STK4: variants seen among roughly 807,000 people sequenced by gnomAD.
The protein encoded by STK4 is serine/threonine kinase 4.
Under a neutral mutation model 64.9 loss-of-function variants are expected in STK4, and 30 were observed. The ratio of observed to expected loss-of-function variants is 0.46; its 90% confidence interval spans 0.35 to 0.63. STK4 has a LOEUF of 0.63. Ranked by LOEUF, STK4 falls within the 20% of genes least tolerant of loss-of-function variation. The probability of loss-of-function intolerance (pLI) is 0.01; values close to 1 mark genes in which losing one functional copy is unlikely to be tolerated. For missense variants in STK4, 466 were observed against 598.5 expected (o/e 0.78, Z 2.31); for synonymous variants, 177 against 199.0 (o/e 0.89, Z 0.93).
intron 3 of STK4, 90 bp from the exon 4 acceptor site, chr20:44,981,739 A>T: frequency 5.4e-6 from 4 of 739,012 alleles, no homozygotes; most frequent in Non-Finnish European, 9.1e-6. Flanking sequence ...ATCTTTCCAG[A>T]TGAGGAATTA....
Position 44,992,267 on chromosome 20 carries a change from A to T in STK4, c.526-2823A>T, listed in dbSNP as rs529509301. Among the ~76,000 whole-genome samples the T allele has an allele frequency of 5.7e-4, 84 of 148,206 alleles. 1 individual carries two copies. Among genetic ancestry groups the T allele is most frequent in the East Asian group, 4.5e-3 (23 of 5,056 alleles). On this transcript the variant is annotated intron_variant, in intron 5 of 10. Transcript: ENST00000372806. ...ATTTTTTATTATTTTATTTTATTTT[A>T]TTTTTTTTTGAGACAAGGTCTTGCC... is the stretch of plus-strand genomic sequence containing the variant.
chr20:45,007,796 G>A, intron 9 of STK4: 1 of 422,442 alleles, frequency 2.4e-6, no homozygotes, highest in Non-Finnish European at 4.7e-6. Context: ...TACATACAGG[G>A]GGTACATGTG....
chr20:45,065,804 AT>A (rs919131718), intron 10 of STK4, among the ~76,000 whole-genome samples: 1 of 149,390 alleles, frequency 6.7e-6, no homozygotes, highest in African/African-American at 2.5e-5. Flanking sequence ...TTATTTATTT[AT>A]TTTTTTTCAG....
chr20:44,982,109 CT>C (rs11475406), intron 4 of STK4, among the ~76,000 whole-genome samples, 166 bp downstream of exon 4: 36,988 of 97,838 alleles, frequency 0.38, 4,963 homozygotes, highest in Middle Eastern at 0.43. Context: ...AGTGTGACAG[CT>C]TTTTTTTTTT....
At chr20:44,978,198 T>A (rs538560884) in intron 2 of STK4, among the ~76,000 whole-genome samples, 1 of 152,352 alleles carries the variant, frequency 6.6e-6, no homozygotes, top group African/African-American at 2.4e-5. Flanking sequence ...GCAGCTACTA[T>A]ATTACCATCT....
intron 1 of STK4, among the ~76,000 whole-genome samples, chr20:44,967,724 A>T (rs2145621000): frequency 6.6e-6 from 1 of 152,232 alleles, no homozygotes; most frequent in Non-Finnish European, 1.5e-5. Flanking sequence ...CCTGGGCAGC[A>T]CTCTTAGGGG....
chr20:45,006,289 A>G (rs1352257700), intron 9 of STK4, among the ~76,000 whole-genome samples: 3 of 147,688 alleles, frequency 2.0e-5, no homozygotes, highest in Non-Finnish European at 1.5e-5. Flanking sequence ...ATTCCCAGAA[A>G]TGTGGTCTTG....
intron 1 of STK4, chr20:44,970,684 C>G (rs1278161833): frequency 1.3e-5 from 2 of 152,018 alleles, no homozygotes; most frequent in Admixed American, 6.5e-5. Context: ...TCATTTTGTT[C>G]TGTTGATATC....
intron 10 of STK4, among the ~76,000 whole-genome samples, chr20:45,031,393 T>C (rs560467575): frequency 6.6e-5 from 10 of 152,196 alleles, no homozygotes; most frequent in Non-Finnish European, 1.5e-4. Flanking sequence ...GCAGTTTAAA[T>C]GTAAATGCAT....
In STK4 at chr20:44,982,960, A is replaced by G. The variant is rs142226180; in HGVS notation, c.360+1017A>G. ...TGTGGAGACTGGTGGGCTATTTTAGAGTAGATAGTTGAGGAAGGTCACTCA... is the reference window on the plus strand; with the variant it reads ...TGTGGAGACTGGTGGGCTATTTTAGGGTAGATAGTTGAGGAAGGTCACTCA... On this transcript the variant is annotated intron_variant, in intron 4 of 10. Transcript: ENST00000372806. 8.6e-5 allele frequency among the ~76,000 whole-genome samples: 13 copies of G among 151,922 alleles called. 1 individual carries two copies. The highest frequency in any genetic ancestry group is 3.2e-4 in the African/African-American group (13 of 41,210).
At chr20:45,045,945 TACAGGTGCATGCCACCATGCCTG>T (rs149840759) in intron 10 of STK4, among the ~76,000 whole-genome samples, 4,262 of 152,070 alleles carry the variant, frequency 0.028, 185 homozygotes, top group African/African-American at 0.092. Context: ...TAGCTGACAT[TACAGGTGCATGCCACCATGCCTG>T]GCTAATTTTT....
chr20:45,049,342 TAA>T (rs2068743711), intron 10 of STK4, among the ~76,000 whole-genome samples: 2 of 152,100 alleles, frequency 1.3e-5, no homozygotes, highest in South Asian at 2.1e-4. Flanking sequence ...AAAAATGAGG[TAA>T]AGTCAGGAAA....
chr20:45,067,382 T>C (rs1230016377), intron 10 of STK4, among the ~76,000 whole-genome samples: 8 of 152,190 alleles, frequency 5.3e-5, no homozygotes. Flanking sequence ...TCATATATGA[T>C]ACATATGGAA....
chr20:44,987,111 A>G, intron 4 of STK4, 21 bp from the exon 5 acceptor site: 1 of 1,560,536 alleles, frequency 6.4e-7, no homozygotes, highest in Non-Finnish European at 8.7e-7. Context: ...ATAGAATTTG[A>G]ACTTCTTATT....
intron 2 of STK4, among the ~76,000 whole-genome samples, chr20:44,976,295 G>A (rs2067337178): frequency 6.6e-6 from 1 of 152,202 alleles, no homozygotes; most frequent in Non-Finnish European, 1.5e-5. Context: ...GATTGAGGAG[G>A]TCTAATACAG....
chr20:45,008,948 A>G (rs1416913193), intron 9 of STK4, among the ~76,000 whole-genome samples: 1 of 151,976 alleles, frequency 6.6e-6, no homozygotes, highest in African/African-American at 2.4e-5. Flanking sequence ...CCTTTGTTGA[A>G]TGTATAGTTT....
At chr20:45,066,222 A>G (rs1211077163) in intron 10 of STK4, among the ~76,000 whole-genome samples, 1 of 151,878 alleles carries the variant, frequency 6.6e-6, no homozygotes, top group African/African-American at 2.4e-5. Context: ...ACAGATATCT[A>G]GCTAGATAGT....
intron 9 of STK4, among the ~76,000 whole-genome samples, chr20:45,008,491 A>C (rs1319606546): frequency 6.6e-6 from 1 of 152,224 alleles, no homozygotes; most frequent in East Asian, 1.9e-4. Context: ...TATTGTGAAT[A>C]GTGTGGTGGT....
intron 2 of STK4, among the ~76,000 whole-genome samples, chr20:44,973,638 C>T (rs1255789639): frequency 2.0e-5 from 3 of 152,224 alleles, no homozygotes. Context: ...TTTGCTCTTA[C>T]TACTACAATG....
Sources: allele counts gnomAD v4.1 joint callset (sites outside exome capture counted in the v4.1 genomes callset), GRCh38; gene constraint gnomAD v4.1.1; transcripts MANE v1.5; gene names NCBI Gene and HGNC (gene_info 2026-07-23, HGNC 2026-07-21).